Variants in TUSC3 observed in about 807,000 individuals in gnomAD.
TUSC3 encodes the protein tumor suppressor candidate 3.
Under a neutral mutation model 44.8 loss-of-function variants are expected in TUSC3, and 45 were observed. The observed-to-expected ratio is 1.00, with a 90% confidence interval of 0.79 to 1.29. The LOEUF is 1.29. Among genes scored for constraint, TUSC3 ranks in the 50% most tolerant of loss-of-function variants. The pLI, the probability that TUSC3 is intolerant of heterozygous loss-of-function variation, is 0.00. For synonymous variants in TUSC3, 212 were observed against 152.9 expected (o/e 1.39, Z -2.85); for missense variants, 519 against 437.9 (o/e 1.19, Z -1.65).
At chr8:15,756,267 A>T (rs1811924059) in intron 9 of TUSC3, among the ~76,000 whole-genome samples, 2 of 151,970 alleles carry the variant, frequency 1.3e-5, no homozygotes, top group Admixed American at 6.6e-5. Context: ...AGCTCTAGTT[A>T]CCTCTCTCTC....
intron 2 of TUSC3, among the ~76,000 whole-genome samples, chr8:15,522,688 A>G (rs927894212): frequency 6.6e-6 from 1 of 152,016 alleles, no homozygotes; most frequent in Non-Finnish European, 1.5e-5. Context: ...AATCCAATCC[A>G]GGAGACAGGA....
At chr8:15,750,198 C>T (rs1008877773) in intron 9 of TUSC3, among the ~76,000 whole-genome samples, 1 of 151,876 alleles carries the variant, frequency 6.6e-6, no homozygotes, top group African/African-American at 2.4e-5. Flanking sequence ...CCAGGATGGT[C>T]TCGATCTCCT....
chr8:15,814,213 C>T, the TUSC3 span, among the ~76,000 whole-genome samples: 1 of 152,242 alleles, frequency 6.6e-6, no homozygotes, highest in South Asian at 2.1e-4. Flanking sequence ...TAGTTATATT[C>T]AGTCTTTCTG....
At chr8:15,687,400 T>A (rs1425997289) in intron 6 of TUSC3, among the ~76,000 whole-genome samples, 1 of 152,208 alleles carries the variant, frequency 6.6e-6, no homozygotes, top group African/African-American at 2.4e-5. Context: ...CCATGGTCAT[T>A]TTATGGCTGT....
At chr8:15,818,498 G>C in the TUSC3 span, among the ~76,000 whole-genome samples, 1 of 152,116 alleles carries the variant, frequency 6.6e-6, no homozygotes, top group Non-Finnish European at 1.5e-5. Context: ...CTTGAATTTT[G>C]TCATTTCACT....
At chr8:15,734,984 A>G (rs372914337) in intron 7 of TUSC3, among the ~76,000 whole-genome samples, 1 of 152,198 alleles carries the variant, frequency 6.6e-6, no homozygotes, top group African/African-American at 2.4e-5. Flanking sequence ...TTAATATGCC[A>G]ATTTTATATA....
At chr8:15,684,711 A>C (rs1349981520) in intron 6 of TUSC3, among the ~76,000 whole-genome samples, 1 of 152,074 alleles carries the variant, frequency 6.6e-6, no homozygotes, top group East Asian at 1.9e-4. Context: ...CTGCTTCCCC[A>C]CTCAAGCTAA....
chr8:15,451,773 C>G (rs1800199639), intron 1 of TUSC3, among the ~76,000 whole-genome samples: 1 of 152,048 alleles, frequency 6.6e-6, no homozygotes, highest in Non-Finnish European at 1.5e-5. Flanking sequence ...CCTGTGGGGT[C>G]TGATGCTCTC....
At chr8:15,517,835 T>G (rs1457689126) in intron 2 of TUSC3, among the ~76,000 whole-genome samples, 1 of 152,024 alleles carries the variant, frequency 6.6e-6, no homozygotes. Flanking sequence ...TTTAAATTTA[T>G]TATCATTTTT....
At chr8:15,594,975 C>G (rs1008777852) in intron 1 of TUSC3, among the ~76,000 whole-genome samples, 5 of 152,042 alleles carry the variant, frequency 3.3e-5, no homozygotes, top group African/African-American at 1.2e-4. Context: ...GTTGTCTACC[C>G]TAGGTTTTAT....
At chr8:15,454,234 C>G (rs797016685) in intron 1 of TUSC3, among the ~76,000 whole-genome samples, 6 of 152,276 alleles carry the variant, frequency 3.9e-5, no homozygotes, top group African/African-American at 1.2e-4. Context: ...AAGTCACCCC[C>G]TTGGCCCTCT....
At chr8:15,694,497 G>A (rs1809070614) in intron 6 of TUSC3, among the ~76,000 whole-genome samples, 1 of 146,504 alleles carries the variant, frequency 6.8e-6, no homozygotes, top group African/African-American at 2.5e-5. Flanking sequence ...TTGGAGGTAA[G>A]AAGACACTCT....
At chr8:15,643,501 T>C (rs940473722) in intron 2 of TUSC3, among the ~76,000 whole-genome samples, 1 of 152,188 alleles carries the variant, frequency 6.6e-6, no homozygotes, top group Non-Finnish European at 1.5e-5. Context: ...ACATATTTTA[T>C]GTTCATATAC....
intron 4 of TUSC3, among the ~76,000 whole-genome samples, chr8:15,660,008 C>A (rs1226115466): frequency 6.6e-6 from 1 of 151,672 alleles, no homozygotes; most frequent in East Asian, 1.9e-4. Flanking sequence ...AGGTTAATAC[C>A]CACCTTAAAG....
At chr8:15,524,360 C>G (rs1213517146) in intron 2 of TUSC3, among the ~76,000 whole-genome samples, 1 of 152,052 alleles carries the variant, frequency 6.6e-6, no homozygotes, top group Non-Finnish European at 1.5e-5. Flanking sequence ...CTCACCATGT[C>G]TAATGGAAAG....
At chr8:15,420,704 C>G (rs1162033966) in intron 1 of TUSC3, among the ~76,000 whole-genome samples, 4 of 152,094 alleles carry the variant, frequency 2.6e-5, no homozygotes, top group African/African-American at 9.7e-5. Flanking sequence ...CTACAAAGTA[C>G]CTCTCTGGAG....
chr8:15,775,655 C>G, the TUSC3 span, among the ~76,000 whole-genome samples: 2 of 107,440 alleles, frequency 1.9e-5, no homozygotes, highest in Non-Finnish European at 4.0e-5. Flanking sequence ...TATATACACA[C>G]ACATATACAT....
At chr8:15,464,893 A>C (rs1800394076) in intron 1 of TUSC3, among the ~76,000 whole-genome samples, 1 of 152,124 alleles carries the variant, frequency 6.6e-6, no homozygotes, top group Non-Finnish European at 1.5e-5. Context: ...TCTGTCTCCC[A>C]GGCTGGAGTG....
intron 9 of TUSC3, among the ~76,000 whole-genome samples, chr8:15,753,220 C>G (rs531886473): frequency 6.6e-6 from 1 of 152,006 alleles, no homozygotes; most frequent in African/African-American, 2.4e-5. Flanking sequence ...TTCTACTGTC[C>G]AATTTAAAAA....
Sources: allele counts gnomAD v4.1 joint callset (sites outside exome capture counted in the v4.1 genomes callset), GRCh38; gene constraint gnomAD v4.1.1; transcripts MANE v1.5; gene names NCBI Gene and HGNC (gene_info 2026-07-23, HGNC 2026-07-21).